Variants in CYBC1 observed in about 807,000 individuals in gnomAD.
CYBC1 encodes cytochrome b-245 chaperone 1.
Under a neutral mutation model 21.7 loss-of-function variants are expected in CYBC1, and 22 were observed. The ratio of observed to expected loss-of-function variants is 1.02; its 90% CI spans 0.73 to 1.45. The LOEUF (loss-of-function observed/expected upper bound fraction) is 1.45. CYBC1 is among the 40% of genes most tolerant of loss of function. CYBC1 has a pLI of 0.00. For synonymous variants in CYBC1, 112 were observed against 98.7 expected (o/e 1.13, Z -0.80); for missense variants, 237 against 242.1 (o/e 0.98, Z 0.14).
chr17:82,447,553 G>T (rs1229026076), intron 3 of CYBC1, 27 bp downstream of exon 3: 3 of 1,554,984 alleles, frequency 1.9e-6, no homozygotes, highest in Admixed American at 3.6e-5. Flanking sequence ...AGACAGTCAT[G>T]GGGGGGTGGG....
Position 82,443,716 on chromosome 17 carries a change from A to G in CYBC1, c.*288T>C. On this transcript the variant is annotated 3_prime_UTR_variant, in exon 7 of 7. Transcript: ENST00000306645. This position sits in a 1 kb window ranked among gnomAD's most constrained non-coding sequence, Gnocchi z 6.7. Reference sequence around the variant, plus strand: ...TTTCATGCAGTGTGCAAGCAGCAGCATGAGCAGGCAATAGGCCAACTCGGC... The same window carrying G: ...TTTCATGCAGTGTGCAAGCAGCAGCGTGAGCAGGCAATAGGCCAACTCGGC... The G allele has an allele frequency of 2.6e-6, 2 of 779,386 alleles. No individual in the cohort carries two copies. Among genetic ancestry groups the G allele is most frequent in the East Asian group, 4.8e-5 (2 of 41,284 alleles). 48.3% of individuals were successfully genotyped at this position (779,386 alleles called of 1,614,324 possible).
chr17:82,442,612 T>C lies in CYBC1; in HGVS notation c.*1392A>G. The C allele has an allele frequency of 5.8e-6, 9 of 1,546,780 alleles. No individual in the cohort carries two copies. Among genetic ancestry groups the C allele is most frequent in the Non-Finnish European group, 7.9e-6 (9 of 1,140,030 alleles). On this transcript the variant is annotated 3_prime_UTR_variant, in exon 7 of 7. Transcript: ENST00000306645. This position sits in a 1 kb window ranked among gnomAD's most constrained non-coding sequence, Gnocchi z 6.8. The stretch of plus-strand genomic sequence containing the variant: ...TTGTGATCTGCATGTGTGACACTGA[T>C]TCTTTGGAAATAAAGAGTGGAAGCT...
chr17:82,443,227 A>C lies in CYBC1; in HGVS notation c.*777T>G, dbSNP rs2054075332. On this transcript the variant is annotated 3_prime_UTR_variant, in exon 7 of 7. Coordinates refer to ENST00000306645, the MANE Select transcript of CYBC1 (RefSeq NM_001033046.4). The surrounding 1 kb of genome is among the most constrained non-coding windows in gnomAD (Gnocchi z 6.7). ...CGCCCGGCTGGAGCTCCCGGTTTTT[A>C]AGCACTGCACGATACTAGAAGAGCT... 1 of 307,864 alleles carries C rather than the reference A, an allele frequency of 3.2e-6. No homozygotes were observed. The highest frequency in any genetic ancestry group is 2.9e-5 in the South Asian group (1 of 34,672). 19.1% of individuals were successfully genotyped at this position (307,864 alleles called of 1,614,324 possible).
At chr17:82,447,552 T>TGGG (rs751595888) in intron 3 of CYBC1, 28 bp downstream of exon 3, 11 of 456,216 alleles carry the variant, frequency 2.4e-5, no homozygotes, top group East Asian at 2.0e-4. Context: ...GAGACAGTCA[T>TGGG]GGGGGGGTGG....
Position 82,446,708 on chromosome 17 carries a change from C to T in CYBC1, c.128-12G>A. On this transcript the variant is annotated splice_polypyrimidine_tract_variant and intron_variant, in intron 3 of 6. Coordinates refer to ENST00000306645, the MANE Select transcript of CYBC1 (RefSeq NM_001033046.4). ...CCAGCCCAGGCTATCTGGAGATGGG[C>T]ATAGGGCGCCAGCCTGTGAGCTCCA... The T allele has an allele frequency of 6.2e-7, 1 of 1,613,518 alleles. No homozygotes were observed. The highest frequency in any genetic ancestry group is 8.5e-7 in the Non-Finnish European group (1 of 1,179,878).
rs551238621 is a variant in CYBC1 at position 82,443,384 on chromosome 17, G to A, written c.*620C>T. The A allele has an allele frequency of 2.6e-5, 13 of 503,476 alleles. No homozygotes were observed. Among genetic ancestry groups the A allele is most frequent in the African/African-American group, 1.3e-4 (7 of 52,278 alleles). The allele number at this position is 503,476 out of a possible 1,614,324, so 31.2% of individuals were successfully genotyped here. On this transcript the variant is annotated 3_prime_UTR_variant, in exon 7 of 7. Coordinates refer to ENST00000306645, the MANE Select transcript of CYBC1 (RefSeq NM_001033046.4). This position sits in a 1 kb window ranked among gnomAD's most constrained non-coding sequence, Gnocchi z 6.7. Reference sequence around the variant, plus strand: ...GCATCAGCAAGGGAGGCGGGTCCTCGGGGAGGGGCAGCTTCCACAGTGTGG... The same window carrying A: ...GCATCAGCAAGGGAGGCGGGTCCTCAGGGAGGGGCAGCTTCCACAGTGTGG...
At chr17:82,450,036 C>CT (rs771833835) in intron 1 of CYBC1, 1 of 152,174 alleles carries the variant, frequency 6.6e-6, no homozygotes, top group Non-Finnish European at 1.5e-5. Context: ...AATCTCAGCA[C>CT]TTTGGGAGGA....
Position 82,443,288 on chromosome 17 carries a change from TGA to T in CYBC1, c.*714_*715del. The T allele has an allele frequency of 2.7e-6, 1 of 371,352 alleles. No individual in the cohort carries two copies. The allele number at this position is 371,352 out of a possible 1,614,324, so 23.0% of individuals were successfully genotyped here. ...CTGGCCTCACAGCTTATGCTGAAGC[TGA>T]GTGTGAGGAACAGAGAGACCTTTCT... On this transcript the variant is annotated 3_prime_UTR_variant, in exon 7 of 7. Transcript: ENST00000306645. This position sits in a 1 kb window ranked among gnomAD's most constrained non-coding sequence, Gnocchi z 6.7.
Position 82,448,012 on chromosome 17 carries a change from A to C in CYBC1, c.86-391T>G, listed in dbSNP as rs566112650. ...TGCTGTGTGAGGCTCCATAACTGAC[A>C]CGGGTGTTACTCCAGTAGCACGTGG... is the stretch of plus-strand genomic sequence containing the variant. On this transcript the variant is annotated intron_variant, in intron 2 of 6. Transcript: ENST00000306645. 2.9e-4 allele frequency: 88 copies of C among 302,424 alleles called. 1 individual carries two copies. The highest frequency in any genetic ancestry group is 2.7e-3 in the South Asian group (82 of 30,430). The allele number at this position is 302,424 out of a possible 1,614,324, so 18.7% of individuals were successfully genotyped here. A position where few individuals can be genotyped will look rare whatever the true frequency, so the allele number is the denominator to read the frequency against.
intron 6 of CYBC1, 53 bp from the exon 7 acceptor site, chr17:82,444,177 C>T (rs928701089): frequency 1.1e-5 from 17 of 1,580,948 alleles, no homozygotes; most frequent in African/African-American, 8.1e-5. Context: ...CATAGGGCAC[C>T]GTGAGACCCC....
At chr17:82,446,032 C>A in intron 4 of CYBC1, 72 bp from the exon 5 acceptor site, 1 of 1,211,692 alleles carries the variant, frequency 8.3e-7, no homozygotes, top group African/African-American at 1.5e-5. Flanking sequence ...GGGCCTCACC[C>A]CCACCCTCAC....
rs1275614054 is a variant in CYBC1, at chr17:82,444,575, A to G, written c.315T>C (p.His105=). ...CCTCCACGCTCACATCACGGACATC[A>G]TGGAGCAGGACCACCACTGCGGGGA... The part of the protein sequence containing the change: ...AGHDQVVVLL[H]DVRDVSVEEE... The change falls in exon 6 of 7, where the codon CAT becomes CAC. Residue 105 remains histidine (H), a synonymous_variant. Coordinates refer to ENST00000306645, the MANE Select transcript of CYBC1 (RefSeq NM_001033046.4). The G allele has an allele frequency of 1.2e-6, 2 of 1,611,556 alleles. No individual in the cohort carries two copies. The highest frequency in any genetic ancestry group is 1.7e-4 in the Middle Eastern group (1 of 6,050).
In CYBC1 at chr17:82,449,307, A is replaced by G. The variant is rs1011712349; in HGVS notation, c.-38-15T>C. Reference sequence around the variant, plus strand: ...GGAGGAGGGGTCTGGGAACAGACAGAGGCAGCTGAGCCCTTGGGCCTGCAC... The same window carrying G: ...GGAGGAGGGGTCTGGGAACAGACAGGGGCAGCTGAGCCCTTGGGCCTGCAC... On this transcript the variant is annotated splice_polypyrimidine_tract_variant and intron_variant, in intron 1 of 6. Transcript: ENST00000306645. The G allele has an allele frequency of 2.8e-6, 4 of 1,425,042 alleles. No homozygotes were observed. Among genetic ancestry groups the G allele is most frequent in the South Asian group, 1.3e-5 (1 of 74,394 alleles). The allele number at this position is 1,425,042 out of a possible 1,614,324, so 88.3% of individuals were successfully genotyped here.
At position 82,443,345 on chromosome 17, in the gene CYBC1, G is replaced by A; in HGVS notation, c.*659C>T. The A allele has an allele frequency of 4.6e-6, 2 of 437,010 alleles. No individual in the cohort carries two copies. Among genetic ancestry groups the A allele is most frequent in the Non-Finnish European group, 8.7e-6 (2 of 230,988 alleles). 27.1% of individuals were successfully genotyped at this position (437,010 alleles called of 1,614,324 possible). The stretch of plus-strand genomic sequence containing the variant: ...CGACCGCTGGGGCAGAGTGGTCTAT[G>A]CGCCGAGATCCTGGCATCAGCAAGG... On this transcript the variant is annotated 3_prime_UTR_variant, in exon 7 of 7. Coordinates refer to ENST00000306645, the MANE Select transcript of CYBC1 (RefSeq NM_001033046.4). The surrounding 1 kb of genome is among the most constrained non-coding windows in gnomAD (Gnocchi z 6.7).
Position 82,444,548 on chromosome 17 carries a change from C to A in CYBC1, c.342G>T (p.Glu114Asp). Residue 114 changes from glutamate (E) to aspartate (D), a missense_variant, in exon 6 of 7, where the codon GAG (glutamate) becomes GAT (aspartate). By Grantham distance (45) the Glu-to-Asp change is conservative (BLOSUM62 2). Coordinates refer to ENST00000306645, the MANE Select transcript of CYBC1 (RefSeq NM_001033046.4). ...LHDVRDVSVEEEKVRYFGKGY... is the reference protein window; with the variant it reads ...LHDVRDVSVEDEKVRYFGKGY... ...CTTTCCCGAAGTACCGGACCTTCTC[C>A]TCCTCCACGCTCACATCACGGACAT... 1 of 1,613,664 alleles carries A rather than the reference C, an allele frequency of 6.2e-7. No homozygotes were observed. The highest frequency in any genetic ancestry group is 1.1e-5 in the South Asian group (1 of 91,056).
intron 4 of CYBC1, 150 bp from the exon 5 acceptor site, chr17:82,446,110 G>A: frequency 1.6e-6 from 1 of 635,842 alleles, no homozygotes; most frequent in Non-Finnish European, 2.7e-6. Context: ...TGAAGCCACA[G>A]GTGCTGCTCT....
rs748556094 is a variant in CYBC1 at position 82,443,672 on chromosome 17, G to C, written c.*332C>G. 6.5e-6 allele frequency: 5 copies of C among 767,182 alleles called. No homozygotes were observed. In the African/African-American group the frequency reaches 6.8e-5, roughly 10 times the overall value. 47.5% of individuals were successfully genotyped at this position (767,182 alleles called of 1,614,324 possible). ...GCCTCACGATGGAGAAAGTCTGGATGTCCTGGTCTGGCCTGCTGTTTCATG... is the reference window on the plus strand; with the variant it reads ...GCCTCACGATGGAGAAAGTCTGGATCTCCTGGTCTGGCCTGCTGTTTCATG... On this transcript the variant is annotated 3_prime_UTR_variant, in exon 7 of 7. Transcript: ENST00000306645. The surrounding 1 kb of genome is among the most constrained non-coding windows in gnomAD (Gnocchi z 6.7).
At position 82,446,609 on chromosome 17, in the gene CYBC1, C is replaced by A. The variant is rs370383989; in HGVS notation, c.201+14G>T. The stretch of plus-strand genomic sequence containing the variant: ...ACAGCCCTGGACTCTGTCCCGCACC[C>A]GAGCCGGCCTTACCTCCCAGTCCTC... On this transcript the variant is annotated intron_variant, in intron 4 of 6. Coordinates refer to ENST00000306645, the MANE Select transcript of CYBC1 (RefSeq NM_001033046.4). 2 of 1,613,900 alleles carry A rather than the reference C, an allele frequency of 1.2e-6. No individual in the cohort carries two copies. The highest frequency in any genetic ancestry group is 2.2e-5 in the South Asian group (2 of 91,070).
chr17:82,445,685 G>A lies in CYBC1; in HGVS notation c.298+179C>T, dbSNP rs139710733. 2.5e-5 allele frequency: 14 copies of A among 561,844 alleles called. No individual in the cohort carries two copies. In the African/African-American group the frequency reaches 2.7e-4, roughly 11 times the overall value. The allele number at this position is 561,844 out of a possible 1,614,324, so 34.8% of individuals were successfully genotyped here. On this transcript the variant is annotated intron_variant, in intron 5 of 6. Transcript: ENST00000306645. Reference sequence around the variant, plus strand: ...AGGACCCTGCTGAGCAGGTGAGCAGGTGGGGCGTATCCGTGGGATCCTGCT... The same window carrying A: ...AGGACCCTGCTGAGCAGGTGAGCAGATGGGGCGTATCCGTGGGATCCTGCT...
Sources: gnomAD v4.1 joint callset for allele counts on GRCh38, gnomAD v4.1.1 for gene constraint, Gnocchi (gnomAD v3.1) non-coding constraint, MANE v1.5 for transcripts, NCBI Gene and HGNC (gene_info 2026-07-23, HGNC 2026-07-21) for gene names.